The following SLC23A2 variants were observed in gnomAD, a reference collection of about 807,000 sequenced individuals.
The protein encoded by SLC23A2 is Na(+)/L-ascorbic acid transporter 2.
A neutral mutation model predicts 73.3 loss-of-function variants in SLC23A2; 36 were observed. The ratio of observed to expected loss-of-function variants is 0.49; its 90% CI spans 0.38 to 0.65. The LOEUF is 0.65. Among genes scored for constraint, SLC23A2 ranks in the 30% least tolerant of loss-of-function variants. SLC23A2 has a pLI of 0.00. For synonymous variants in SLC23A2, 343 were observed against 327.3 expected, an observed-to-expected ratio of 1.05 and a Z score of -0.52; for missense variants, 507 against 841.6, an observed-to-expected ratio of 0.60 and a Z score of 4.92.
upstream of SLC23A2, among the ~76,000 whole-genome samples, chr20:5,002,037 G>A (rs1304525581): frequency 1.3e-5 from 2 of 152,254 alleles, no homozygotes; most frequent in Non-Finnish European, 2.9e-5. Context: ...TTTCAGACGT[G>A]AATTCTCTGG....
At position 4,917,247 on chromosome 20, in the gene SLC23A2, G is replaced by A. The variant is rs563911375; in HGVS notation, c.109-4269C>T. 2.0e-5 allele frequency among the ~76,000 whole-genome samples: 3 copies of A among 152,274 alleles called. No individual in the cohort carries two copies. The East Asian group carries it at 5.8e-4, about 29-fold the overall frequency. ...TCTGGGTGCAGCAGGAGAGTGGATGGGTGGGGTAAAGGAATGACCCTTTGG... is the reference window on the plus strand; with the variant it reads ...TCTGGGTGCAGCAGGAGAGTGGATGAGTGGGGTAAAGGAATGACCCTTTGG... On this transcript the variant is annotated intron_variant, in intron 3 of 16. Coordinates refer to ENST00000338244, the MANE Select transcript of SLC23A2 (RefSeq NM_005116.6).
In SLC23A2 at chr20:4,892,013, CA is replaced by C. The variant is rs376371008; in HGVS notation, c.483-6105del. Among the ~76,000 whole-genome samples, 418 of 152,246 alleles carry C rather than the reference CA, an allele frequency of 2.7e-3. 2 individuals carry two copies. Among genetic ancestry groups the C allele is most frequent in the African/African-American group, 9.3e-3 (386 of 41,534 alleles). On this transcript the variant is annotated intron_variant, in intron 6 of 16. Coordinates refer to ENST00000338244, the MANE Select transcript of SLC23A2 (RefSeq NM_005116.6). Reference sequence around the variant, plus strand: ...AAGTGATCCTCCCACTTTGGCCTCCCAAAGTGCTGGGAATGCAGGCATGAGC... The same window carrying C: ...AAGTGATCCTCCCACTTTGGCCTCCCAAGTGCTGGGAATGCAGGCATGAGC...
chr20:4,865,974 G>A (rs1930178257), intron 13 of SLC23A2, among the ~76,000 whole-genome samples: 1 of 151,908 alleles, frequency 6.6e-6, no homozygotes, highest in African/African-American at 2.4e-5. Context: ...CTGGGACTAT[G>A]GGCACCAGCC....
intron 2 of SLC23A2, among the ~76,000 whole-genome samples, chr20:4,949,754 G>A (rs1402059320): frequency 6.6e-6 from 1 of 152,076 alleles, no homozygotes; most frequent in East Asian, 1.9e-4. Context: ...GATACACGCA[G>A]ACCCAAATGC....
At chr20:4,888,476 T>C (rs935201336) in intron 6 of SLC23A2, among the ~76,000 whole-genome samples, 6 of 152,168 alleles carry the variant, frequency 3.9e-5, no homozygotes, top group Admixed American at 3.3e-4. Flanking sequence ...AGACATTAGT[T>C]TAAAAAACAA....
In SLC23A2 at chr20:4,863,396, C is replaced by T. The variant is rs115449495; in HGVS notation, c.1357-489G>A. Among the ~76,000 whole-genome samples the T allele has an allele frequency of 6.9e-3, 1,048 of 152,348 alleles. 14 individuals are homozygous for T. The highest frequency in any genetic ancestry group is 0.024 in the African/African-American group (988 of 41,578). On this transcript the variant is annotated intron_variant, in intron 13 of 16. Coordinates refer to ENST00000338244, the MANE Select transcript of SLC23A2 (RefSeq NM_005116.6). This position sits in a 1 kb window ranked among gnomAD's most constrained non-coding sequence, Gnocchi z 4.8. ...GATGAGGACATCTGGAGCCTGACTGCGGGCTCTTCTCCTGGCCCACGTCTG... is the reference window on the plus strand; with the variant it reads ...GATGAGGACATCTGGAGCCTGACTGTGGGCTCTTCTCCTGGCCCACGTCTG...
At chr20:4,970,127 C>G (rs138785369) in intron 2 of SLC23A2, among the ~76,000 whole-genome samples, 2 of 152,064 alleles carry the variant, frequency 1.3e-5, no homozygotes, top group East Asian at 3.9e-4. Context: ...CACGGAGGGC[C>G]AAGAGCAGGA....
intron 2 of SLC23A2, among the ~76,000 whole-genome samples, chr20:4,952,103 C>CAAAA (rs57832305): frequency 9.1e-4 from 37 of 40,490 alleles, no homozygotes; most frequent in South Asian, 1.6e-3. Context: ...GACTCTGACT[C>CAAAA]AAAAAAAAAA....
upstream of SLC23A2, among the ~76,000 whole-genome samples, chr20:5,002,035 G>T (rs1050780825): frequency 6.6e-6 from 1 of 152,126 alleles, no homozygotes; most frequent in Non-Finnish European, 1.5e-5. Context: ...CTTTTCAGAC[G>T]TGAATTCTCT....
intron 10 of SLC23A2, 94 bp downstream of exon 10, chr20:4,874,482 A>G: frequency 8.3e-7 from 1 of 1,198,716 alleles, no homozygotes; most frequent in Non-Finnish European, 1.2e-6. Flanking sequence ...ATGATCCCCC[A>G]AGGAGGGCCT....
At chr20:5,007,772 T>C (rs1310656611) in intron 1 of SLC23A2, among the ~76,000 whole-genome samples, 2 of 152,212 alleles carry the variant, frequency 1.3e-5, no homozygotes, top group Non-Finnish European at 2.9e-5. Context: ...AATGGAATTA[T>C]ATGAATTATA....
At chr20:4,978,831 G>C (rs2087683697) in intron 1 of SLC23A2, among the ~76,000 whole-genome samples, 1 of 152,260 alleles carries the variant, frequency 6.6e-6, no homozygotes, top group Non-Finnish European at 1.5e-5. Context: ...CTAAAACCTA[G>C]CTAGGACAAG....
At chr20:4,993,375 C>T (rs1175512943) in intron 1 of SLC23A2, among the ~76,000 whole-genome samples, 1 of 129,206 alleles carries the variant, frequency 7.7e-6, no homozygotes, top group Non-Finnish European at 1.6e-5. Context: ...TAGGAATGCT[C>T]AACTGGTAAG....
At chr20:4,920,904 T>C (rs900659285) in intron 3 of SLC23A2, among the ~76,000 whole-genome samples, 3 of 152,308 alleles carry the variant, frequency 2.0e-5, no homozygotes, top group African/African-American at 7.2e-5. Flanking sequence ...AATTGTTCTG[T>C]ATGATGCAGT....
chr20:4,913,032 C>A, intron 3 of SLC23A2, 54 bp from the exon 4 acceptor site: 1 of 1,163,896 alleles, frequency 8.6e-7, no homozygotes, highest in Non-Finnish European at 1.3e-6. Flanking sequence ...ATTTTCCTCC[C>A]CCCGAAAGCC....
intron 9 of SLC23A2, among the ~76,000 whole-genome samples, chr20:4,881,310 G>C (rs1237954768): frequency 2.6e-5 from 4 of 152,174 alleles, no homozygotes; most frequent in Non-Finnish European, 5.9e-5. Flanking sequence ...AGGTTTCCAT[G>C]GAACTATCCA....
chr20:4,992,466 G>C (rs1043102485), intron 1 of SLC23A2, among the ~76,000 whole-genome samples: 1 of 149,066 alleles, frequency 6.7e-6, no homozygotes, highest in Non-Finnish European at 1.5e-5. Context: ...TAAAATTTAG[G>C]GATAACAAAG....
At position 4,863,521 on chromosome 20, in the gene SLC23A2, T is replaced by C. The variant is rs1366066978; in HGVS notation, c.1357-614A>G. On this transcript the variant is annotated intron_variant, in intron 13 of 16. Coordinates refer to ENST00000338244, the MANE Select transcript of SLC23A2 (RefSeq NM_005116.6). This position sits in a 1 kb window ranked among gnomAD's most constrained non-coding sequence, Gnocchi z 4.8. The stretch of plus-strand genomic sequence containing the variant: ...TTTGTTTTGAGGATTAAACGGGACC[T>C]GCATAAAACTGCCTGAATGGTAGCT... Among the ~76,000 whole-genome samples, 1 of 152,216 alleles carries C rather than the reference T, an allele frequency of 6.6e-6. No individual in the cohort carries two copies. The highest frequency in any genetic ancestry group is 2.4e-5 in the African/African-American group (1 of 41,460).
rs1029952607 is a variant in SLC23A2 at position 5,001,498 on chromosome 20, C to T, written c.-374G>A. 1 of 150,530 alleles carries T rather than the reference C, an allele frequency of 6.6e-6. No individual in the cohort carries two copies. Among genetic ancestry groups the T allele is most frequent in the Non-Finnish European group, 1.5e-5 (1 of 67,432 alleles). 9.3% of individuals were successfully genotyped at this position (150,530 alleles called of 1,614,324 possible). On this transcript the variant is annotated 5_prime_UTR_variant, in exon 1 of 17. Transcript: ENST00000338244. ...CCGCCTCCGGTCCCCGCGACAGCCG[C>T]CTGCAAAATGGCGCCGCGGAGGGGC...
Sources: gnomAD v4.1 joint callset for allele counts (sites outside exome capture counted in the v4.1 genomes callset) on GRCh38, gnomAD v4.1.1 for gene constraint, Gnocchi (gnomAD v3.1) non-coding constraint, MANE v1.5 for transcripts, NCBI Gene and HGNC (gene_info 2026-07-23, HGNC 2026-07-21) for gene names.